MYO7B: variants seen among roughly 807,000 people sequenced by gnomAD.
MYO7B encodes unconventional myosin-VIIb.
In MYO7B, 212 loss-of-function variants were observed where a neutral mutation model predicts 259.7. The ratio of observed to expected loss-of-function variants is 0.82; its 90% CI spans 0.73 to 0.91. MYO7B has a LOEUF of 0.91. Ranked by LOEUF, MYO7B falls within the 40% of genes least tolerant of loss-of-function variation. The pLI, the probability that MYO7B is intolerant of heterozygous loss-of-function variation, is 0.00. For missense variants in MYO7B, 2,732 were observed against 2,813.5 expected (o/e 0.97, Z 0.66); for synonymous variants, 1,197 against 1,166.4 (o/e 1.03, Z -0.54).
intron 19 of MYO7B, among the ~76,000 whole-genome samples, chr2:127,602,524 T>C (rs1399313570): frequency 1.3e-5 from 2 of 152,068 alleles, no homozygotes; most frequent in Admixed American, 6.6e-5. Flanking sequence ...TGGTGGTGCA[T>C]GCCTCTAGTC....
Position 127,632,539 on chromosome 2 carries a change from T to C in MYO7B, c.5405+138T>C, listed in dbSNP as rs938309134. On this transcript the variant is annotated intron_variant, in intron 39 of 47. Transcript: ENST00000409816. ...GCCAGTGTCAGCTTGGCAGGCAGGA[T>C]TGGGCCCCGAGCTGCCAGAGAAGAG... 4.2e-6 allele frequency: 5 copies of C among 1,184,036 alleles called. No individual in the cohort carries two copies. In the African/African-American group the frequency reaches 4.8e-5, roughly 11 times the overall value. 73.3% of individuals were successfully genotyped at this position (1,184,036 alleles called of 1,614,324 possible).
chr2:127,637,040 G>A, intron 47 of MYO7B, 127 bp downstream of exon 47: 1 of 1,476,576 alleles, frequency 6.8e-7, no homozygotes, highest in Non-Finnish European at 9.2e-7. Flanking sequence ...GGCGGGGCCA[G>A]CAGATCTGGA....
Position 127,623,267 on chromosome 2 carries a change from C to T in MYO7B, c.3711C>T (p.Val1237=), listed in dbSNP as rs754198249. 543 of 1,613,522 alleles carry T rather than the reference C, an allele frequency of 3.4e-4. No individual in the cohort carries two copies. Among genetic ancestry groups the T allele is most frequent in the Non-Finnish European group, 4.5e-4 (528 of 1,179,782 alleles). ...VILATGESLT[V]PVDSASTSRE... ...TGGCCACTGGAGAGAGCCTAACCGT[C>T]CCCGTGGACTCAGCCTCCACATCTC... Residue 1237 remains valine (V), a synonymous_variant, in exon 29 of 48, where the codon GTC becomes GTT. Coordinates refer to ENST00000409816, the MANE Select transcript of MYO7B (RefSeq NM_001393586.1).
At chr2:127,582,779 T>C (rs924767164) in intron 12 of MYO7B, among the ~76,000 whole-genome samples, 50 of 152,262 alleles carry the variant, frequency 3.3e-4, no homozygotes, top group Middle Eastern at 3.4e-3. Context: ...ATCTGGCTGG[T>C]TTATCATTTT....
chr2:127,617,016 T>G, intron 26 of MYO7B, among the ~76,000 whole-genome samples: 1 of 152,226 alleles, frequency 6.6e-6, no homozygotes. Context: ...TTTTCCCACT[T>G]TAGGGCTTAA....
At chr2:127,620,055 C>T (rs576704178) in intron 26 of MYO7B, 21 of 260,174 alleles carry the variant, frequency 8.1e-5, no homozygotes, top group East Asian at 2.8e-4. Flanking sequence ...GCAAAGGGCG[C>T]GGCTGCTGAG....
At chr2:127,602,761 G>A (rs1038986911) in intron 19 of MYO7B, among the ~76,000 whole-genome samples, 2 of 152,154 alleles carry the variant, frequency 1.3e-5, no homozygotes, top group African/African-American at 2.4e-5. Flanking sequence ...CACTGTGACC[G>A]GCTGAGGCAG....
chr2:127,604,111 C>T (rs372796559), intron 19 of MYO7B, among the ~76,000 whole-genome samples: 6 of 152,104 alleles, frequency 3.9e-5, no homozygotes, highest in South Asian at 2.1e-4. Flanking sequence ...CCAGCCTGGG[C>T]GACAGAGGGA....
rs1681257920 is a variant in MYO7B, at chr2:127,628,228, TCTGGCCTAGTC to T, written c.4461-137_4461-127del. ...TCATTTGTCCAGACCCACAGTGGTG[TCTGGCCTAGTC>T]CTGGCCCTGGCAGAGCAGCTCTGTG... is the stretch of plus-strand genomic sequence containing the variant. On this transcript the variant is annotated intron_variant, in intron 33 of 47. Coordinates refer to ENST00000409816, the MANE Select transcript of MYO7B (RefSeq NM_001393586.1). The surrounding 1 kb of genome is among the most constrained non-coding windows in gnomAD (Gnocchi z 4.8). 1.0e-6 allele frequency: 1 copy of T among 974,830 alleles called. No individual in the cohort carries two copies. The highest frequency in any genetic ancestry group is 1.6e-6 in the Non-Finnish European group (1 of 635,490). The allele number at this position is 974,830 out of a possible 1,614,324, so 60.4% of individuals were successfully genotyped here. A position where few individuals can be genotyped will look rare whatever the true frequency, so the allele number is the denominator to read the frequency against.
chr2:127,584,311 C>A lies in MYO7B; in HGVS notation c.1533C>A (p.Asp511Glu), dbSNP rs549700121. Residue 511 changes from aspartate to glutamate, a missense_variant, in exon 13 of 48, where the codon GAC (aspartate) becomes GAA (glutamate). Transcript: ENST00000409816. This position sits in a 1 kb window ranked among gnomAD's most constrained non-coding sequence, Gnocchi z 5.8. ...LKPMSIISLLDEESRFPQGTD... is the reference protein window; with the variant it reads ...LKPMSIISLLEEESRFPQGTD... ...CCATGAGCATCATCTCCCTCCTGGACGAAGAAAGCCGCTTCCCGCAGGTGT... is the reference window on the plus strand; with the variant it reads ...CCATGAGCATCATCTCCCTCCTGGAAGAAGAAAGCCGCTTCCCGCAGGTGT... 3 of 1,613,932 alleles carry A rather than the reference C, an allele frequency of 1.9e-6. No individual in the cohort carries two copies. The highest frequency in any genetic ancestry group is 2.5e-6 in the Non-Finnish European group (3 of 1,179,872).
At chr2:127,635,450 G>T in intron 43 of MYO7B, 1 of 627,014 alleles carries the variant, frequency 1.6e-6, no homozygotes, top group South Asian at 2.0e-5. Flanking sequence ...ACTTGGAGAG[G>T]GTGGGACAGA....
At chr2:127,617,071 C>G (rs189999568) in intron 26 of MYO7B, among the ~76,000 whole-genome samples, 182 of 152,298 alleles carry the variant, frequency 1.2e-3, no homozygotes, top group African/African-American at 4.1e-3. Flanking sequence ...TTAGCCATTG[C>G]CTGAGTCAAC....
At chr2:127,542,513 GAT>G (rs899926705) in intron 1 of MYO7B, among the ~76,000 whole-genome samples, 4 of 152,206 alleles carry the variant, frequency 2.6e-5, no homozygotes, top group Admixed American at 1.3e-4. Flanking sequence ...TGGAAGCTCA[GAT>G]ATCCCAGACA....
intron 35 of MYO7B, among the ~76,000 whole-genome samples, chr2:127,630,278 C>T (rs1451472007): frequency 3.9e-5 from 6 of 152,170 alleles, no homozygotes; most frequent in African/African-American, 1.4e-4. Context: ...AGCAGCTCCA[C>T]CCTCAGGGCA....
intron 6 of MYO7B, among the ~76,000 whole-genome samples, chr2:127,571,812 T>G (rs1678644046): frequency 6.6e-6 from 1 of 152,230 alleles, no homozygotes; most frequent in South Asian, 2.1e-4. Flanking sequence ...TTCTGTGTTC[T>G]GGATACAAGT....
rs111653106 is a variant in MYO7B, at chr2:127,545,017, A to G, written c.-24+9186A>G. 6.6e-3 allele frequency among the ~76,000 whole-genome samples: 1,004 copies of G among 151,926 alleles called. 11 individuals carry two copies. Among genetic ancestry groups the G allele is most frequent in the African/African-American group, 0.023 (950 of 41,424 alleles). On this transcript the variant is annotated intron_variant, in intron 1 of 47. Coordinates refer to ENST00000409816, the MANE Select transcript of MYO7B (RefSeq NM_001393586.1). ...TGGGATTACAGGTGTGAGCCACCGC[A>G]CCCGGCCCTAACCATGCTTTTTAAA...
chr2:127,549,680 C>T (rs754978900), intron 1 of MYO7B, among the ~76,000 whole-genome samples: 1 of 152,114 alleles, frequency 6.6e-6, no homozygotes, highest in Non-Finnish European at 1.5e-5. Flanking sequence ...GTGCCCATGG[C>T]ATATCTGAGG....
Position 127,559,522 on chromosome 2 carries a change from C to T in MYO7B, c.-23-178C>T, listed in dbSNP as rs1274834573. On this transcript the variant is annotated intron_variant, in intron 1 of 47. Coordinates refer to ENST00000409816, the MANE Select transcript of MYO7B (RefSeq NM_001393586.1). The surrounding 1 kb of genome is among the most constrained non-coding windows in gnomAD (Gnocchi z 4.1). ...CATAGGATGAAGAAGCTGAGAACAGCTCTTGCACTTGGGCTAGGACTGTGA... is the reference window on the plus strand; with the variant it reads ...CATAGGATGAAGAAGCTGAGAACAGTTCTTGCACTTGGGCTAGGACTGTGA... 6.6e-6 allele frequency among the ~76,000 whole-genome samples: 1 copy of T among 152,220 alleles called. No individual in the cohort carries two copies. The highest frequency in any genetic ancestry group is 1.5e-5 in the Non-Finnish European group (1 of 68,030).
intron 15 of MYO7B, among the ~76,000 whole-genome samples, 153 bp from the exon 16 acceptor site, chr2:127,589,939 G>C (rs75243791): frequency 6.6e-6 from 1 of 150,932 alleles, no homozygotes; most frequent in African/African-American, 2.4e-5. Flanking sequence ...TGGGTGGATG[G>C]ATACATGGAT....
Sources: allele counts gnomAD v4.1 joint callset (sites outside exome capture counted in the v4.1 genomes callset), GRCh38; gene constraint gnomAD v4.1.1; non-coding constraint Gnocchi (gnomAD v3.1); transcripts MANE v1.5; gene names NCBI Gene and HGNC (gene_info 2026-07-23, HGNC 2026-07-21).